Variants in TSPAN18 observed in about 807,000 individuals in gnomAD.
The protein encoded by TSPAN18 is tetraspanin-18.
In TSPAN18, 14 loss-of-function variants were observed where a neutral mutation model predicts 27.3. The ratio of observed to expected loss-of-function variants is 0.51; its 90% confidence interval spans 0.34 to 0.80. The LOEUF (loss-of-function observed/expected upper bound fraction) is 0.80, where lower values mean the gene tolerates loss of function less well. TSPAN18 is among the 30% of genes least tolerant of loss of function. The pLI is 0.01. For synonymous variants in TSPAN18, 143 were observed against 136.5 expected (o/e 1.05, Z -0.33); for missense variants, 268 against 323.9 (o/e 0.83, Z 1.32).
chr11:44,734,364 G>C (rs1854737095), intron 1 of TSPAN18, among the ~76,000 whole-genome samples: 1 of 152,220 alleles, frequency 6.6e-6, no homozygotes, highest in Non-Finnish European at 1.5e-5. Context: ...TTAAAATCCT[G>C]ACTGCTCCAC....
Position 44,768,037 on chromosome 11 carries a change from G to C in TSPAN18, c.-153+3525G>C, listed in dbSNP as rs138899168. 5.0e-3 allele frequency among the ~76,000 whole-genome samples: 758 copies of C among 152,252 alleles called. 3 individuals are homozygous for C. Among genetic ancestry groups the C allele is most frequent in the Middle Eastern group, 0.01 (3 of 294 alleles). ...TAACTCTTAAAGTTGGGTAGTGTCA[G>C]GTTTTCCAACATTGTTCTTCTCTTT... On this transcript the variant is annotated intron_variant, in intron 2 of 9. Transcript: ENST00000520358.
intron 2 of TSPAN18, among the ~76,000 whole-genome samples, chr11:44,804,982 T>C (rs896326320): frequency 2.6e-5 from 4 of 152,218 alleles, no homozygotes; most frequent in African/African-American, 9.6e-5. Context: ...AGTCAGTTTG[T>C]GGAGAAATAA....
intron 1 of TSPAN18, among the ~76,000 whole-genome samples, chr11:44,755,560 C>T (rs180794100): frequency 3.4e-4 from 51 of 152,232 alleles, no homozygotes; most frequent in African/African-American, 1.2e-3. Flanking sequence ...AGCCCCAAGA[C>T]ATCCTGAGCA....
intron 2 of TSPAN18, among the ~76,000 whole-genome samples, chr11:44,836,598 A>G (rs1419931705): frequency 6.6e-6 from 1 of 152,230 alleles, no homozygotes; most frequent in African/African-American, 2.4e-5. Flanking sequence ...TTCAATGTAG[A>G]TGAAACAGCC....
rs1357544788 is a variant in TSPAN18, at chr11:44,892,461, C to G, written c.-10-13946C>G. ...GGAGTGACCTCCGTGCTTCTGTGCT[C>G]CCCCCAATTTCAAACTGCGTGGGTT... On this transcript the variant is annotated intron_variant, in intron 3 of 9. Transcript: ENST00000520358. Among the ~76,000 whole-genome samples, 3 of 152,218 alleles carry G rather than the reference C, an allele frequency of 2.0e-5. No homozygotes were observed. In the East Asian group the frequency reaches 5.8e-4, roughly 29 times the overall value.
intron 2 of TSPAN18, among the ~76,000 whole-genome samples, chr11:44,854,697 G>C (rs1334535560): frequency 1.3e-5 from 2 of 152,194 alleles, no homozygotes; most frequent in African/African-American, 4.8e-5. Context: ...GGGGACCAAA[G>C]CAGGATGCTG....
At chr11:44,870,832 T>TG (rs1858174324) in intron 3 of TSPAN18, among the ~76,000 whole-genome samples, 1 of 152,184 alleles carries the variant, frequency 6.6e-6, no homozygotes, top group South Asian at 2.1e-4. Context: ...TCCATTCTGC[T>TG]GGGGGACTAC....
At chr11:44,756,030 A>G (rs1185494047) in intron 1 of TSPAN18, among the ~76,000 whole-genome samples, 1 of 151,930 alleles carries the variant, frequency 6.6e-6, no homozygotes, top group Non-Finnish European at 1.5e-5. Flanking sequence ...TTGCCAACAG[A>G]AGCTAACCAG....
chr11:44,790,415 A>ATG (rs139930861), intron 2 of TSPAN18, among the ~76,000 whole-genome samples: 23,210 of 128,708 alleles, frequency 0.18, 1,949 homozygotes, highest in Middle Eastern at 0.3. Flanking sequence ...ACGTGTGTGC[A>ATG]TGTGTGTGCA....
chr11:44,914,220 A>G (rs1306026723), intron 5 of TSPAN18, among the ~76,000 whole-genome samples: 1 of 152,208 alleles, frequency 6.6e-6, no homozygotes, highest in Non-Finnish European at 1.5e-5. Context: ...CCTGGCACAG[A>G]GCAGGTGCTC....
intron 2 of TSPAN18, among the ~76,000 whole-genome samples, chr11:44,841,055 G>A (rs1256260560): frequency 6.6e-6 from 1 of 152,190 alleles, no homozygotes; most frequent in Admixed American, 6.5e-5. Context: ...GGCAGCAGGA[G>A]CCCTGGAGTA....
chr11:44,760,658 C>T (rs1399848879), intron 1 of TSPAN18, among the ~76,000 whole-genome samples: 1 of 152,098 alleles, frequency 6.6e-6, no homozygotes, highest in Non-Finnish European at 1.5e-5. Flanking sequence ...ATTGAGAGCT[C>T]CACCCCTAGT....
upstream of TSPAN18, chr11:44,726,925 G>C (rs1854525022): frequency 1.4e-5 from 2 of 143,402 alleles, no homozygotes; most frequent in Non-Finnish European, 3.1e-5. Flanking sequence ...AGGGACGGAC[G>C]GCGGCGGAGG....
chr11:44,749,730 G>A (rs544687314), intron 1 of TSPAN18, among the ~76,000 whole-genome samples: 7 of 146,554 alleles, frequency 4.8e-5, no homozygotes, highest in Admixed American at 4.2e-4. Context: ...TCTGCCTCCC[G>A]GGTTCACACC....
chr11:44,929,112 T>G lies in TSPAN18; in HGVS notation c.700-19T>G, dbSNP rs1225776979. ...CCCAGCCTGATAAGCCAGTTCCTGC[T>G]CTTTTTCTTTTTTTGCAGCTTTTCG... is the stretch of plus-strand genomic sequence containing the variant. On this transcript the variant is annotated intron_variant, in intron 9 of 9. Transcript: ENST00000520358. 1 of 1,612,548 alleles carries G rather than the reference T, an allele frequency of 6.2e-7. No individual in the cohort carries two copies. The highest frequency in any genetic ancestry group is 8.5e-7 in the Non-Finnish European group (1 of 1,179,540).
At chr11:44,825,364 C>T (rs1857016514) in intron 2 of TSPAN18, among the ~76,000 whole-genome samples, 1 of 152,170 alleles carries the variant, frequency 6.6e-6, no homozygotes, top group Non-Finnish European at 1.5e-5. Context: ...GACTGAGGCC[C>T]CACCAGGTTG....
At chr11:44,878,377 C>T (rs1858397947) in intron 3 of TSPAN18, among the ~76,000 whole-genome samples, 1 of 152,212 alleles carries the variant, frequency 6.6e-6, no homozygotes, top group Admixed American at 6.5e-5. Flanking sequence ...GCGTCTCCAT[C>T]CCGGCCTGAG....
chr11:44,800,463 C>T (rs1444109860), intron 2 of TSPAN18, among the ~76,000 whole-genome samples: 1 of 152,192 alleles, frequency 6.6e-6, no homozygotes, highest in Admixed American at 6.5e-5. Context: ...AGCCTGGTTA[C>T]CTGCAAGAGA....
intron 2 of TSPAN18, among the ~76,000 whole-genome samples, chr11:44,774,194 A>G (rs1452812823): frequency 6.6e-6 from 1 of 152,212 alleles, no homozygotes; most frequent in Non-Finnish European, 1.5e-5. Context: ...GACTTCAAAG[A>G]CAGGGCTTCT....
Sources: allele counts gnomAD v4.1 joint callset (sites outside exome capture counted in the v4.1 genomes callset), GRCh38; gene constraint gnomAD v4.1.1; transcripts MANE v1.5; gene names NCBI Gene and HGNC (gene_info 2026-07-23, HGNC 2026-07-21).